Variants in TNPO3 observed in about 807,000 individuals in gnomAD.
TNPO3 encodes transportin 3, also known as transportin-3.
A neutral mutation model predicts 122.8 loss-of-function variants in TNPO3; 65 were observed. That is an observed-to-expected ratio of 0.53 (90% CI 0.43 to 0.65). The LOEUF is 0.65. Among genes scored for constraint, TNPO3 ranks in the 30% least tolerant of loss-of-function variants. The probability of loss-of-function intolerance (pLI) is 0.00; values close to 1 mark genes in which losing one functional copy is unlikely to be tolerated. For missense variants in TNPO3, 850 were observed against 1,136.7 expected, an observed-to-expected ratio of 0.75 and a Z score of 3.63; for synonymous variants, 372 against 411.2, an observed-to-expected ratio of 0.90 and a Z score of 1.15.
intron 22 of TNPO3, 65 bp downstream of exon 22, chr7:128,957,159 C>A (rs993425247): frequency 1.4e-6 from 2 of 1,398,924 alleles, no homozygotes; most frequent in Non-Finnish European, 1.0e-6. Context: ...AAAACCTATC[C>A]CCATTCCCAG....
chr7:128,960,380 G>A (rs562964454), intron 21 of TNPO3, among the ~76,000 whole-genome samples: 2 of 152,086 alleles, frequency 1.3e-5, no homozygotes, highest in South Asian at 2.1e-4. Flanking sequence ...CAGGTCCTTC[G>A]GGAGGGATTC....
chr7:129,004,222 T>C lies in TNPO3; in HGVS notation c.696+794A>G, dbSNP rs1584566603. ...GCATCAATCTAGCATCATGGTACTA[T>C]CTTCTGAGTAATAGCGCATCGGCAT... On this transcript the variant is annotated intron_variant, in intron 5 of 22. Transcript: ENST00000265388. Among the ~76,000 whole-genome samples the C allele has an allele frequency of 2.6e-5, 4 of 152,296 alleles. No individual in the cohort carries two copies. In the South Asian group the frequency reaches 8.3e-4, roughly 32 times the overall value.
chr7:128,997,107 C>T (rs1801417715), intron 8 of TNPO3, among the ~76,000 whole-genome samples: 4 of 152,146 alleles, frequency 2.6e-5, no homozygotes, highest in Admixed American at 2.6e-4. Context: ...ATCCTCCCAA[C>T]TCAGCTTCCT....
chr7:129,054,476 C>A (rs576616532), intron 1 of TNPO3, among the ~76,000 whole-genome samples, 175 bp downstream of exon 1: 1 of 152,228 alleles, frequency 6.6e-6, no homozygotes, highest in South Asian at 2.1e-4. Context: ...CGATCAGGTG[C>A]GACTAGTTTC....
chr7:128,983,471 G>A (rs1216477304), intron 13 of TNPO3, among the ~76,000 whole-genome samples: 2 of 152,100 alleles, frequency 1.3e-5, no homozygotes, highest in African/African-American at 4.8e-5. Context: ...CCAAAATGCT[G>A]GGATTACTGG....
At chr7:129,053,781 CA>C (rs1409187411) in intron 1 of TNPO3, among the ~76,000 whole-genome samples, 1 of 152,286 alleles carries the variant, frequency 6.6e-6, no homozygotes, top group East Asian at 1.9e-4. Flanking sequence ...GTACATCCTA[CA>C]TTAGAACCTA....
rs756529293 is a variant in TNPO3, at chr7:129,054,637, T to C, written c.120+14A>G. On this transcript the variant is annotated intron_variant, in intron 1 of 22. Transcript: ENST00000265388. ...CGGCCGTGCGGCACAGAACTGCCTC[T>C]CTGGGCCCCTCACCGAACGCTGCAG... is the stretch of plus-strand genomic sequence containing the variant. 1.2e-6 allele frequency: 2 copies of C among 1,613,216 alleles called. No homozygotes were observed. The highest frequency in any genetic ancestry group is 3.3e-5 in the Admixed American group (2 of 60,004).
chr7:128,979,759 T>C (rs1323414819), intron 15 of TNPO3, among the ~76,000 whole-genome samples: 1 of 152,200 alleles, frequency 6.6e-6, no homozygotes, highest in East Asian at 1.9e-4. Flanking sequence ...ACTTCTCTGG[T>C]CTTTCAAGGC....
chr7:128,974,570 A>T (rs1318200027), intron 18 of TNPO3, among the ~76,000 whole-genome samples: 1 of 152,160 alleles, frequency 6.6e-6, no homozygotes, highest in Non-Finnish European at 1.5e-5. Context: ...GAACAGTTAA[A>T]ACCTACAGAG....
chr7:129,017,476 T>C (rs902549391), intron 2 of TNPO3, among the ~76,000 whole-genome samples: 2 of 152,226 alleles, frequency 1.3e-5, no homozygotes, highest in Non-Finnish European at 2.9e-5. Flanking sequence ...TCTCTTTGCA[T>C]TTGTCATCTT....
rs774605323 is a variant in TNPO3 at position 128,984,198 on chromosome 7, T to C, written c.1752A>G (p.Leu584=). Residue 584 remains leucine (L), a synonymous_variant, in exon 13 of 23, where the codon CTA becomes CTG. Coordinates refer to ENST00000265388, the MANE Select transcript of TNPO3 (RefSeq NM_012470.4). ...TCAATGCCATAACCTGAACAGAACA[T>C]AGTTCACTAAGACATTCGGTAATCT... ...LDKITECLSE[L]CSVQVMALKK... 4 of 1,612,758 alleles carry C rather than the reference T, an allele frequency of 2.5e-6. No homozygotes were observed. The East Asian group carries it at 6.7e-5, about 27-fold the overall frequency.
chr7:129,012,253 G>A (rs759085368), intron 4 of TNPO3, among the ~76,000 whole-genome samples: 7 of 151,810 alleles, frequency 4.6e-5, no homozygotes. Context: ...TAATCCACCC[G>A]CCTCAGCCTC....
chr7:129,018,220 C>T (rs966252973), intron 1 of TNPO3, 63 bp from the exon 2 acceptor site: 12 of 1,491,948 alleles, frequency 8.0e-6, no homozygotes, highest in Non-Finnish European at 1.1e-5. Flanking sequence ...AATGACATAA[C>T]CTCAATACTT....
At position 128,975,955 on chromosome 7, in the gene TNPO3, T is replaced by C. The variant is rs780511184; in HGVS notation, c.2062-20A>G. The C allele has an allele frequency of 4.6e-5, 70 of 1,526,716 alleles. 2 individuals are homozygous for C. The South Asian group carries it at 7.8e-4, about 17-fold the overall frequency. The allele number at this position is 1,526,716 out of a possible 1,614,324, so 94.6% of individuals were successfully genotyped here. On this transcript the variant is annotated intron_variant, in intron 16 of 22. Transcript: ENST00000265388. ...CACCATCTGTTGAGGGAAAAAACAA[T>C]TAGTTCAATGCTTCGTCCTTCAAAA...
intron 9 of TNPO3, among the ~76,000 whole-genome samples, chr7:128,992,329 C>T (rs1449564431): frequency 6.6e-6 from 1 of 151,896 alleles, no homozygotes; most frequent in Non-Finnish European, 1.5e-5. Context: ...TATCATCTGC[C>T]CCCAGAAAAT....
chr7:129,015,751 T>C (rs2150428535), intron 3 of TNPO3, among the ~76,000 whole-genome samples: 1 of 152,286 alleles, frequency 6.6e-6, no homozygotes, highest in South Asian at 2.1e-4. Context: ...AAGGATCTCA[T>C]GAGCCCAAGA....
At chr7:129,036,114 C>T (rs112012198) in intron 1 of TNPO3, among the ~76,000 whole-genome samples, 6 of 151,884 alleles carry the variant, frequency 4.0e-5, no homozygotes, top group African/African-American at 1.5e-4. Flanking sequence ...CCACCACACC[C>T]GGCTAATTTT....
At position 128,962,131 on chromosome 7, in the gene TNPO3, C is replaced by T. The variant is rs560419132; in HGVS notation, c.2712-4816G>A. On this transcript the variant is annotated intron_variant, in intron 21 of 22. Coordinates refer to ENST00000265388, the MANE Select transcript of TNPO3 (RefSeq NM_012470.4). ...CTGTAATCCCAGCACTTTGGGAGGC[C>T]GAGGCGGATGGATCATGAGGTCAGG... Among the ~76,000 whole-genome samples the T allele has an allele frequency of 2.6e-5, 4 of 151,566 alleles. 1 individual carries two copies. In the South Asian group the frequency reaches 8.4e-4, roughly 32 times the overall value.
At chr7:128,959,771 C>CT (rs1334746894) in intron 21 of TNPO3, among the ~76,000 whole-genome samples, 2 of 152,128 alleles carry the variant, frequency 1.3e-5, no homozygotes, top group Non-Finnish European at 2.9e-5. Flanking sequence ...CCTGTAATCG[C>CT]AGCACTTTGG....
Sources: gnomAD v4.1 joint callset for allele counts (sites outside exome capture counted in the v4.1 genomes callset) on GRCh38, gnomAD v4.1.1 for gene constraint, MANE v1.5 for transcripts, NCBI Gene and HGNC (gene_info 2026-07-23, HGNC 2026-07-21) for gene names.